Variants in GRIK1 observed in about 807,000 individuals in gnomAD.
The protein encoded by GRIK1 is glutamate receptor ionotropic, kainate 1.
Under a neutral mutation model 105.7 loss-of-function variants are expected in GRIK1, and 69 were observed. The ratio of observed to expected loss-of-function variants is 0.65; its 90% CI spans 0.54 to 0.80. GRIK1 has a LOEUF of 0.80. Ranked by LOEUF, GRIK1 falls within the 30% of genes least tolerant of loss-of-function variation. The pLI, the probability that GRIK1 is intolerant of heterozygous loss-of-function variation, is 0.00. For synonymous variants in GRIK1, 438 were observed against 431.3 expected (o/e 1.02, Z -0.19); for missense variants, 1,109 against 1,167.3 (o/e 0.95, Z 0.73).
chr21:29,797,093 T>C (rs1400501399), intron 1 of GRIK1, among the ~76,000 whole-genome samples: 1 of 152,090 alleles, frequency 6.6e-6, no homozygotes, highest in East Asian at 1.9e-4. Context: ...GGAAATCAGG[T>C]AGCGGCTATC....
chr21:29,714,245 T>C (rs552895703), intron 1 of GRIK1, among the ~76,000 whole-genome samples: 1 of 152,284 alleles, frequency 6.6e-6, no homozygotes, highest in African/African-American at 2.4e-5. Context: ...CCCATGATTG[T>C]CTTTGGTATA....
chr21:29,697,928 C>CTTTCTTTCTTTCTTTCTT (rs1555874556), intron 1 of GRIK1, among the ~76,000 whole-genome samples: 219 of 145,968 alleles, frequency 1.5e-3, no homozygotes, highest in Non-Finnish European at 2.4e-3. Context: ...CTCTCTCTCT[C>CTTTCTTTCTTTCTTTCTT]TCTTTCTTTC....
chr21:29,706,926 G>A (rs2063920647), intron 1 of GRIK1, among the ~76,000 whole-genome samples: 1 of 152,172 alleles, frequency 6.6e-6, no homozygotes, highest in East Asian at 1.9e-4. Context: ...GTGCAGTGGT[G>A]AGATCTCAGC....
chr21:29,774,800 G>T (rs1236059286), intron 1 of GRIK1, among the ~76,000 whole-genome samples: 1 of 152,118 alleles, frequency 6.6e-6, no homozygotes, highest in Non-Finnish European at 1.5e-5. Context: ...GATCTGGCTG[G>T]CTTTATGGAT....
At chr21:29,901,980 G>C (rs774221075) in intron 1 of GRIK1, among the ~76,000 whole-genome samples, 1 of 152,158 alleles carries the variant, frequency 6.6e-6, no homozygotes, top group South Asian at 2.1e-4. Flanking sequence ...TAGGATGCAA[G>C]GCTGGTTCAA....
chr21:29,759,046 GC>G (rs2145683388), intron 1 of GRIK1: 1 of 153,186 alleles, frequency 6.5e-6, no homozygotes, highest in African/African-American at 2.4e-5. Context: ...GGCTTCAGAA[GC>G]TCCCCTCTGT....
chr21:29,887,644 C>T (rs2069683609), intron 1 of GRIK1, among the ~76,000 whole-genome samples: 1 of 152,136 alleles, frequency 6.6e-6, no homozygotes. Context: ...GGGTTGCTTG[C>T]TTGGGTCCAG....
chr21:29,649,715 A>G, intron 6 of GRIK1, among the ~76,000 whole-genome samples: 1 of 152,184 alleles, frequency 6.6e-6, no homozygotes, highest in South Asian at 2.1e-4. Context: ...TTTCTTTGTA[A>G]ATTAAGCCAT....
chr21:29,888,665 A>G (rs952263826), intron 1 of GRIK1, among the ~76,000 whole-genome samples: 1 of 152,164 alleles, frequency 6.6e-6, no homozygotes, highest in Non-Finnish European at 1.5e-5. Flanking sequence ...TCTAAATCCA[A>G]TAACAGTCAA....
At position 29,661,272 on chromosome 21, in the gene GRIK1, A is replaced by G. The variant is rs546851396; in HGVS notation, c.727-6409T>C. On this transcript the variant is annotated intron_variant, in intron 4 of 17. Transcript: ENST00000327783. ...CATCTACTTATGGAGGGGACCAAATAATGGTTCTCTAAAGATGTCTACGTC... is the reference window on the plus strand; with the variant it reads ...CATCTACTTATGGAGGGGACCAAATGATGGTTCTCTAAAGATGTCTACGTC... Among the ~76,000 whole-genome samples the G allele has an allele frequency of 6.6e-4, 100 of 152,364 alleles. 1 individual carries two copies. Among genetic ancestry groups the G allele is most frequent in the Non-Finnish European group, 1.3e-3 (88 of 68,040 alleles).
chr21:29,905,619 A>ATTTTTTTTT (rs869179451), intron 1 of GRIK1, among the ~76,000 whole-genome samples: 58 of 72,576 alleles, frequency 8.0e-4, no homozygotes, highest in Middle Eastern at 0.013. Flanking sequence ...CAAATTTTGT[A>ATTTTTTTTT]TTTTTTTTTT....
chr21:29,705,869 T>G (rs2063894889), intron 1 of GRIK1, among the ~76,000 whole-genome samples: 1 of 150,744 alleles, frequency 6.6e-6, no homozygotes, highest in Non-Finnish European at 1.5e-5. Flanking sequence ...CTTTCTTTTC[T>G]TTTCTTTTTT....
At position 29,912,312 on chromosome 21, in the gene GRIK1, C is replaced by T. The variant is rs142275333; in HGVS notation, c.118+27071G>A. ...CCTCCCTGACCAGAGACATGCCAGC[C>T]GCTAGATAACCTCCCCTCTGATCAG... is the stretch of plus-strand genomic sequence containing the variant. On this transcript the variant is annotated intron_variant, in intron 1 of 17. Coordinates refer to ENST00000327783, the MANE Select transcript of GRIK1 (RefSeq NM_001330994.2). 4.3e-4 allele frequency among the ~76,000 whole-genome samples: 65 copies of T among 152,176 alleles called. No homozygotes were observed. In the East Asian group the frequency reaches 0.01, roughly 24 times the overall value.
At chr21:29,712,876 C>T (rs2064091793) in intron 1 of GRIK1, among the ~76,000 whole-genome samples, 2 of 152,034 alleles carry the variant, frequency 1.3e-5, no homozygotes, top group African/African-American at 4.8e-5. Context: ...TCTATCTTCT[C>T]ATAGTGAAGA....
chr21:29,555,451 C>A (rs363501), intron 15 of GRIK1, 149 bp from the exon 16 acceptor site: 68,222 of 698,274 alleles, frequency 0.098, 5,414 homozygotes, highest in African/African-American at 0.34. Flanking sequence ...GGAAAGTTCA[C>A]TCCTATATTT....
intron 3 of GRIK1, among the ~76,000 whole-genome samples, chr21:29,686,081 A>G (rs897683305): frequency 6.6e-6 from 1 of 152,222 alleles, no homozygotes; most frequent in Non-Finnish European, 1.5e-5. Flanking sequence ...CTTTTGTCCA[A>G]TCACATTTCC....
chr21:29,912,447 C>A (rs2070851213), intron 1 of GRIK1, among the ~76,000 whole-genome samples: 1 of 152,028 alleles, frequency 6.6e-6, no homozygotes, highest in African/African-American at 2.4e-5. Flanking sequence ...AGTAAATACT[C>A]TTAGTCTGGA....
In GRIK1 at chr21:29,842,341, G is replaced by A. The variant is rs138584774; in HGVS notation, c.118+97042C>T. On this transcript the variant is annotated intron_variant, in intron 1 of 17. Transcript: ENST00000327783. ...ATGGAAAATAAAACATTTGTTGCAA[G>A]AGGATGCTTATGTTCATTCTTAGGA... Among the ~76,000 whole-genome samples, 535 of 152,240 alleles carry A rather than the reference G, an allele frequency of 3.5e-3. 3 individuals are homozygous for A. The highest frequency in any genetic ancestry group is 0.013 in the African/African-American group (520 of 41,548).
intron 1 of GRIK1, among the ~76,000 whole-genome samples, chr21:29,860,884 A>G (rs1393352946): frequency 6.6e-6 from 1 of 152,204 alleles, no homozygotes; most frequent in Non-Finnish European, 1.5e-5. Context: ...AGATATGAAT[A>G]TTGAAGAGAG....
Sources: allele counts gnomAD v4.1 joint callset (sites outside exome capture counted in the v4.1 genomes callset), GRCh38; gene constraint gnomAD v4.1.1; transcripts MANE v1.5; gene names NCBI Gene and HGNC (gene_info 2026-07-23, HGNC 2026-07-21).